The following GEMIN5 variants were observed in gnomAD, a reference collection of about 807,000 sequenced individuals.
GEMIN5 encodes gem-associated protein 5.
GEMIN5 carries 124 observed loss-of-function variants against 176.9 expected under a neutral mutation model. The ratio of observed to expected loss-of-function variants is 0.70; its 90% CI spans 0.61 to 0.81. The LOEUF (loss-of-function observed/expected upper bound fraction) is 0.81. Among genes scored for constraint, GEMIN5 ranks in the 40% least tolerant of loss-of-function variants. The pLI is 0.00. For synonymous variants in GEMIN5, 673 were observed against 665.2 expected, an observed-to-expected ratio of 1.01 and a Z score of -0.18; for missense variants, 1,843 against 1,814.6, an observed-to-expected ratio of 1.02 and a Z score of -0.28.
At position 154,937,061 on chromosome 5, in the gene GEMIN5, C is replaced by G. The variant is rs1374748211; in HGVS notation, c.291G>C (p.Glu97Asp). ...CATGTTCTGTCACAACTGTTTTTGT[C>G]TCTACATCCCATATTTTCACAGTCC... Reference protein sequence around the residue: ...DDGTVKIWDVETKTVVTEHAL... With the variant: ...DDGTVKIWDVDTKTVVTEHAL... The change falls in exon 2 of 28, where the codon GAG becomes GAC. Residue 97 changes from glutamate to aspartate, a missense_variant. Coordinates refer to ENST00000285873, the MANE Select transcript of GEMIN5 (RefSeq NM_015465.5). 1.2e-6 allele frequency: 2 copies of G among 1,613,784 alleles called. No individual in the cohort carries two copies. The highest frequency in any genetic ancestry group is 2.7e-5 in the African/African-American group (2 of 74,904).
intron 13 of GEMIN5, 21 bp from the exon 14 acceptor site, chr5:154,913,059 A>G: frequency 6.3e-7 from 1 of 1,588,466 alleles, no homozygotes; most frequent in East Asian, 2.3e-5. Context: ...AAGGAAAGAC[A>G]TCACTGCTGC....
At position 154,903,116 on chromosome 5, in the gene GEMIN5, C is replaced by T. The variant is rs771118927; in HGVS notation, c.2692G>A (p.Asp898Asn). The change falls in exon 19 of 28, where the codon GAC becomes AAC. Residue 898 changes from aspartate to asparagine, a missense_variant. Coordinates refer to ENST00000285873, the MANE Select transcript of GEMIN5 (RefSeq NM_015465.5). ...ATCATTCTATACAGGGTAGCCCTGTCTGTGAAAAGCCCCAGATGAAATCTT... is the reference window on the plus strand; with the variant it reads ...ATCATTCTATACAGGGTAGCCCTGTTTGTGAAAAGCCCCAGATGAAATCTT... Reference protein sequence around the residue: ...EERFHLGLFTDRATLYRMIDI... With the variant: ...EERFHLGLFTNRATLYRMIDI... 6.8e-6 allele frequency: 11 copies of T among 1,611,512 alleles called. No individual in the cohort carries two copies. The highest frequency in any genetic ancestry group is 1.7e-5 in the Admixed American group (1 of 59,986).
intron 15 of GEMIN5, among the ~76,000 whole-genome samples, chr5:154,909,721 A>T (rs1404188335): frequency 6.6e-6 from 1 of 152,100 alleles, no homozygotes; most frequent in Non-Finnish European, 1.5e-5. Context: ...GCTCATGCCT[A>T]TAATCCCAGC....
At chr5:154,918,032 C>CT in intron 11 of GEMIN5, 28 bp from the exon 12 acceptor site, 1 of 1,403,552 alleles carries the variant, frequency 7.1e-7, no homozygotes, top group Non-Finnish European at 1.0e-6. Flanking sequence ...CCAATCTTGA[C>CT]TATATACATA....
intron 23 of GEMIN5, among the ~76,000 whole-genome samples, chr5:154,897,017 G>GT (rs1291964411): frequency 3.9e-5 from 6 of 152,164 alleles, no homozygotes; most frequent in Non-Finnish European, 7.3e-5. Flanking sequence ...TGCTTATTAG[G>GT]TTTTTTTGCT....
intron 1 of GEMIN5, 79 bp downstream of exon 1, chr5:154,937,889 C>G: frequency 7.9e-7 from 1 of 1,261,136 alleles, no homozygotes; most frequent in South Asian, 1.7e-5. Context: ...CTGTAGAAAA[C>G]GGGGTGGAGT....
chr5:154,922,821 C>T (rs1420272201), intron 9 of GEMIN5, among the ~76,000 whole-genome samples: 1 of 149,758 alleles, frequency 6.7e-6, no homozygotes, highest in Admixed American at 6.7e-5. Flanking sequence ...CTCAGCCTCC[C>T]GAGTAGCTGA....
rs1763823284 is a variant in GEMIN5, at chr5:154,916,987, A to C, written c.1855+11T>G. On this transcript the variant is annotated intron_variant, in intron 13 of 27. Transcript: ENST00000285873. Reference sequence around the variant, plus strand: ...CGATATCATCCCCAGTATGAAAGAAACCAAAGTTACCTATGACAGTCTTCA... The same window carrying C: ...CGATATCATCCCCAGTATGAAAGAACCCAAAGTTACCTATGACAGTCTTCA... The C allele has an allele frequency of 6.7e-7, 1 of 1,492,030 alleles. No individual in the cohort carries two copies. Among genetic ancestry groups the C allele is most frequent in the African/African-American group, 1.4e-5 (1 of 71,988 alleles). 92.4% of individuals were successfully genotyped at this position (1,492,030 alleles called of 1,614,324 possible). A position where few individuals can be genotyped will look rare whatever the true frequency, so the allele number is the denominator to read the frequency against.
intron 15 of GEMIN5, 95 bp from the exon 16 acceptor site, chr5:154,907,913 G>T: frequency 1.3e-6 from 1 of 799,226 alleles, no homozygotes; most frequent in Non-Finnish European, 2.1e-6. Flanking sequence ...CTCTTTAATA[G>T]CATTTTTACC....
intron 21 of GEMIN5, 69 bp from the exon 22 acceptor site, chr5:154,899,379 G>A (rs1763420336): frequency 1.5e-6 from 2 of 1,307,670 alleles, no homozygotes; most frequent in South Asian, 1.9e-5. Flanking sequence ...AGGAGGGGCT[G>A]TAAGACAGGA....
intron 15 of GEMIN5, among the ~76,000 whole-genome samples, chr5:154,910,341 G>T (rs977968442): frequency 1.3e-5 from 2 of 152,068 alleles, no homozygotes; most frequent in African/African-American, 4.8e-5. Context: ...CACAGAGACA[G>T]TGTCCCCCTA....
intron 5 of GEMIN5, among the ~76,000 whole-genome samples, chr5:154,929,141 A>G (rs192811506): frequency 0.021 from 3,268 of 152,028 alleles, 50 homozygotes; most frequent in South Asian, 0.039. Context: ...GGAGAATGGC[A>G]TGAACCCAGG....
intron 17 of GEMIN5, 122 bp from the exon 18 acceptor site, chr5:154,904,751 T>A: frequency 1.5e-6 from 1 of 677,618 alleles, no homozygotes; most frequent in Non-Finnish European, 2.5e-6. Flanking sequence ...AAGCTCCTCC[T>A]CCTAATAAAG....
In GEMIN5 at chr5:154,898,606, G is replaced by C; in HGVS notation, c.3179C>G (p.Ala1060Gly). 2 of 1,614,004 alleles carry C rather than the reference G, an allele frequency of 1.2e-6. No homozygotes were observed. The highest frequency in any genetic ancestry group is 1.7e-6 in the Non-Finnish European group (2 of 1,179,956). Residue 1060 changes from alanine (A) to glycine (G), a missense_variant, in exon 23 of 28, where the codon GCC becomes GGC. Physicochemically the swap from Ala to Gly is moderately conservative, Grantham distance 60 (BLOSUM62 0). Transcript: ENST00000285873. Reference protein sequence around the residue: ...TCAYDAAKVLAKKGDAASLRT... With the variant: ...TCAYDAAKVLGKKGDAASLRT... ...AAGTGATGCCGCATCCCCCTTTTTGGCCAAAACTTTGGCTGCATCATAAGC... is the reference window on the plus strand; with the variant it reads ...AAGTGATGCCGCATCCCCCTTTTTGCCCAAAACTTTGGCTGCATCATAAGC...
chr5:154,903,825 T>A (rs897252550), intron 18 of GEMIN5, among the ~76,000 whole-genome samples: 3 of 151,368 alleles, frequency 2.0e-5, no homozygotes, highest in African/African-American at 7.3e-5. Flanking sequence ...AAAAAAAAAT[T>A]AAAAAAAAAT....
chr5:154,922,434 T>A (rs1193473814), intron 9 of GEMIN5, among the ~76,000 whole-genome samples: 5 of 152,138 alleles, frequency 3.3e-5, no homozygotes, highest in African/African-American at 1.2e-4. Flanking sequence ...CCCAAAGTGC[T>A]GGCAGCCACT....
At position 154,931,568 on chromosome 5, in the gene GEMIN5, T is replaced by G. The variant is rs765316818; in HGVS notation, c.671A>C (p.Glu224Ala). ...TGCTACAGCATTCCCGTTGGTAATT[T>G]CAGCTTCTTCTATGAGATAGGTGGC... ...INQEETSEEA[E>A]ITNGNAVAQA... Residue 224 changes from glutamate (E) to alanine (A), a missense_variant, in exon 5 of 28, where the codon GAA (glutamate) becomes GCA (alanine). By Grantham distance (107) the Glu-to-Ala change is moderately radical (BLOSUM62 -1). Transcript: ENST00000285873. The G allele has an allele frequency of 1.2e-6, 2 of 1,600,142 alleles. No homozygotes were observed. The highest frequency in any genetic ancestry group is 2.2e-5 in the South Asian group (2 of 89,736).
rs375429742 is a variant in GEMIN5 at position 154,888,258 on chromosome 5, G to A, written c.4479C>T (p.Tyr1493=). ...QQQAQELLQK[Y]GNTKTYRRHC... is the part of the protein sequence containing the mutation. ...GTCTTCTGTAAGTTTTCGTGTTGCC[G>A]TATTTCTGAAGGAGCTCTTGGGCCT... The change falls in exon 28 of 28, where the codon TAC becomes TAT. Residue 1493 remains tyrosine (Y), a synonymous_variant. Transcript: ENST00000285873. 580 of 1,614,136 alleles carry A rather than the reference G, an allele frequency of 3.6e-4. No homozygotes were observed. The highest frequency in any genetic ancestry group is 4.5e-4 in the Non-Finnish European group (536 of 1,180,022).
intron 21 of GEMIN5, 78 bp from the exon 22 acceptor site, chr5:154,899,388 G>A (rs779808975): frequency 1.2e-4 from 143 of 1,200,544 alleles, no homozygotes; most frequent in Non-Finnish European, 1.5e-4. Flanking sequence ...TGTAAGACAG[G>A]ACAAACTGTC....
Sources: allele counts gnomAD v4.1 joint callset (sites outside exome capture counted in the v4.1 genomes callset), GRCh38; gene constraint gnomAD v4.1.1; transcripts MANE v1.5; gene names NCBI Gene and HGNC (gene_info 2026-07-23, HGNC 2026-07-21).